The following RAPGEF2 variants were observed in gnomAD, a reference collection of about 807,000 sequenced individuals.
The protein encoded by RAPGEF2 is PDZ domain containing guanine nucleotide exchange factor (GEF) 1.
In RAPGEF2, 54 loss-of-function variants were observed where a neutral mutation model predicts 186.7. The ratio of observed to expected loss-of-function variants is 0.29; its 90% CI spans 0.23 to 0.36. RAPGEF2 has a LOEUF of 0.36. Ranked by LOEUF, RAPGEF2 falls within the 10% of genes least tolerant of loss-of-function variation. The probability of loss-of-function intolerance (pLI) is 1.00; values close to 1 mark genes in which losing one functional copy is unlikely to be tolerated. For synonymous variants in RAPGEF2, 712 were observed against 705.9 expected, an observed-to-expected ratio of 1.01 and a Z score of -0.14; for missense variants, 1,532 against 2,045.0, an observed-to-expected ratio of 0.75 and a Z score of 4.84.
intron 7 of RAPGEF2, chr4:159,267,026 A>C: frequency 2.5e-6 from 1 of 399,078 alleles, no homozygotes. Context: ...TAAGTAGAGG[A>C]GGGGGCGAGT....
At chr4:159,307,200 T>C (rs1023183936) in intron 8 of RAPGEF2, among the ~76,000 whole-genome samples, 4 of 152,194 alleles carry the variant, frequency 2.6e-5, no homozygotes, top group Admixed American at 1.3e-4. Flanking sequence ...AATATAGTTA[T>C]GAAGGATCAT....
chr4:159,267,752 G>A (rs2110783885), intron 7 of RAPGEF2: 2 of 1,006,648 alleles, frequency 2.0e-6, no homozygotes, highest in East Asian at 2.0e-4. Context: ...AAGCCTTTTT[G>A]AGGGGAGTCT....
intron 7 of RAPGEF2, among the ~76,000 whole-genome samples, chr4:159,264,962 A>G (rs996255802): frequency 6.6e-6 from 1 of 152,212 alleles, no homozygotes. Flanking sequence ...TAATGCATAT[A>G]CCACACTTGT....
At position 159,261,303 on chromosome 4, in the gene RAPGEF2, T is replaced by TCTTC. The variant is rs1756835699; in HGVS notation, c.543+17513_543+17514insTTCC. Among the ~76,000 whole-genome samples the TCTTC allele has an allele frequency of 4.7e-5, 7 of 150,108 alleles. No homozygotes were observed. The East Asian group carries it at 1.2e-3, about 26-fold the overall frequency. On this transcript the variant is annotated intron_variant, in intron 7 of 29. Transcript: ENST00000691494. The stretch of plus-strand genomic sequence containing the variant: ...GGTCTCCATCTCCTGACCTTGTGAT[T>TCTTC]CGCCCACCTTGACCTCCCAAAGTGC...
At chr4:159,300,869 C>T (rs1299518597) in intron 7 of RAPGEF2, among the ~76,000 whole-genome samples, 1 of 152,158 alleles carries the variant, frequency 6.6e-6, no homozygotes, top group Non-Finnish European at 1.5e-5. Context: ...ATGTGGGCAT[C>T]TGCCCCTGTG....
At chr4:159,299,445 GAC>G (rs1445647969) in intron 7 of RAPGEF2, among the ~76,000 whole-genome samples, 4 of 134,760 alleles carry the variant, frequency 3.0e-5, no homozygotes, top group East Asian at 2.1e-4. Flanking sequence ...AAAAAAAAAA[GAC>G]AGAGAGAATA....
intron 26 of RAPGEF2, 102 bp from the exon 27 acceptor site, chr4:159,352,583 G>T: frequency 1.1e-6 from 1 of 878,256 alleles, no homozygotes; most frequent in Non-Finnish European, 1.8e-6. Flanking sequence ...CCACTTAAGA[G>T]ATATCTATGC....
At chr4:159,215,234 G>T (rs755804462) in intron 4 of RAPGEF2, among the ~76,000 whole-genome samples, 1 of 152,028 alleles carries the variant, frequency 6.6e-6, no homozygotes, top group African/African-American at 2.4e-5. Flanking sequence ...GTGCAGTGGC[G>T]CAATCTTAGC....
chr4:159,211,676 GC>G (rs1750544546), intron 4 of RAPGEF2, among the ~76,000 whole-genome samples: 1 of 152,348 alleles, frequency 6.6e-6, no homozygotes, highest in African/African-American at 2.4e-5. Flanking sequence ...AGTAGAATGG[GC>G]TTTTGGTGGC....
chr4:159,348,794 A>G (rs1239320117), intron 25 of RAPGEF2, among the ~76,000 whole-genome samples: 1 of 152,192 alleles, frequency 6.6e-6, no homozygotes, highest in East Asian at 1.9e-4. Flanking sequence ...CCATTTATGA[A>G]CTTTAGAAAT....
At chr4:159,226,476 A>G (rs868085501) in intron 4 of RAPGEF2, among the ~76,000 whole-genome samples, 6 of 152,064 alleles carry the variant, frequency 3.9e-5, no homozygotes, top group African/African-American at 1.4e-4. Flanking sequence ...TTGCCTTTTT[A>G]TATAAATTTT....
At chr4:159,223,716 CTT>C (rs1378426729) in intron 4 of RAPGEF2, among the ~76,000 whole-genome samples, 2 of 152,160 alleles carry the variant, frequency 1.3e-5, no homozygotes, top group African/African-American at 4.8e-5. Context: ...GTTTGCCTCT[CTT>C]CTTGCCATGA....
chr4:159,263,933 G>A (rs1263174824), intron 7 of RAPGEF2, among the ~76,000 whole-genome samples: 2 of 152,022 alleles, frequency 1.3e-5, no homozygotes, highest in African/African-American at 4.8e-5. Context: ...TGATAATTTG[G>A]AAGTCATTGG....
At chr4:159,233,538 C>T (rs1042952721) in intron 4 of RAPGEF2, among the ~76,000 whole-genome samples, 3 of 152,048 alleles carry the variant, frequency 2.0e-5, no homozygotes, top group African/African-American at 7.2e-5. Context: ...AACCAAACAT[C>T]GTATGTTCTC....
intron 5 of RAPGEF2, among the ~76,000 whole-genome samples, chr4:159,240,782 G>A (rs1440595007): frequency 6.7e-6 from 1 of 149,820 alleles, no homozygotes; most frequent in Admixed American, 6.6e-5. Context: ...TCAGGATTTG[G>A]AAGTTTTTAC....
intron 29 of RAPGEF2, among the ~76,000 whole-genome samples, chr4:159,357,535 T>C (rs1364992675): frequency 2.6e-5 from 4 of 152,132 alleles, no homozygotes; most frequent in South Asian, 2.1e-4. Flanking sequence ...ACATGTTTGA[T>C]TACACAATCA....
Position 159,331,778 on chromosome 4 carries a change from A to G in RAPGEF2, c.1724A>G (p.Asp575Gly). ...GAGAAGGGATTTGGAATCTTTGTTG[A>G]CAGTGTAGATTCAGGTAGCAAAGCA... is the stretch of plus-strand genomic sequence containing the variant. The part of the protein sequence containing the change: ...GSEKGFGIFV[D>G]SVDSGSKATE... The change falls in exon 15 of 30, where the codon GAC becomes GGC. Residue 575 changes from aspartate to glycine, a missense_variant. Physicochemically the swap from Asp to Gly is moderately conservative, Grantham distance 94. Around this residue, in one of 4 missense-constraint regions of RAPGEF2, gnomAD observed 810 missense variants for 1,210.5 expected, o/e 0.67. Coordinates refer to ENST00000691494, the MANE Select transcript of RAPGEF2 (RefSeq NM_001394067.2). 6.2e-7 allele frequency: 1 copy of G among 1,614,140 alleles called. No homozygotes were observed. The highest frequency in any genetic ancestry group is 2.2e-5 in the East Asian group (1 of 44,880).
chr4:159,285,667 A>G (rs997778542), intron 7 of RAPGEF2, among the ~76,000 whole-genome samples: 1 of 152,208 alleles, frequency 6.6e-6, no homozygotes, highest in Non-Finnish European at 1.5e-5. Flanking sequence ...GTATGTAACT[A>G]TTTTAAGTAA....
At chr4:159,223,699 CAT>C (rs1334030366) in intron 4 of RAPGEF2, among the ~76,000 whole-genome samples, 10 of 152,110 alleles carry the variant, frequency 6.6e-5, no homozygotes, top group African/African-American at 2.2e-4. Context: ...GTATCAGAGA[CAT>C]ATATGTTTGC....
Sources: gnomAD v4.1 joint callset for allele counts (sites outside exome capture counted in the v4.1 genomes callset) on GRCh38, gnomAD v4.1.1 for gene constraint, gnomAD v4.1.1 regional missense constraint, MANE v1.5 for transcripts, NCBI Gene and HGNC (gene_info 2026-07-23, HGNC 2026-07-21) for gene names.